GOLM2: variants seen among roughly 807,000 people sequenced by gnomAD.
GOLM2 encodes the protein golgi membrane protein 2, also known as protein GOLM2.
A neutral mutation model predicts 55.9 loss-of-function variants in GOLM2; 26 were observed. The observed-to-expected ratio is 0.47, with a 90% CI of 0.34 to 0.65. The LOEUF (loss-of-function observed/expected upper bound fraction) is 0.65. Among genes scored for constraint, GOLM2 ranks in the 30% least tolerant of loss-of-function variants. The pLI is 0.01. For synonymous variants in GOLM2, 165 were observed against 194.6 expected (o/e 0.85, Z 1.27); for missense variants, 486 against 531.8 (o/e 0.91, Z 0.85).
At chr15:44,351,070 G>A (rs552269029) in intron 6 of GOLM2, among the ~76,000 whole-genome samples, 3 of 152,196 alleles carry the variant, frequency 2.0e-5, no homozygotes, top group East Asian at 3.9e-4. Flanking sequence ...TCTAGAACAC[G>A]AAGTGGATGC....
At chr15:44,311,390 T>C (rs2078874160) in intron 1 of GOLM2, among the ~76,000 whole-genome samples, 1 of 152,300 alleles carries the variant, frequency 6.6e-6, no homozygotes, top group African/African-American at 2.4e-5. Flanking sequence ...GCACCATAAC[T>C]TTAATGTGAA....
intron 8 of GOLM2, among the ~76,000 whole-genome samples, chr15:44,399,014 C>T (rs1224235704): frequency 6.6e-6 from 1 of 152,114 alleles, no homozygotes. Context: ...CTAACTTTCT[C>T]ATATAAATCC....
chr15:44,346,676 A>G (rs1278539628), intron 6 of GOLM2, among the ~76,000 whole-genome samples: 3 of 152,230 alleles, frequency 2.0e-5, no homozygotes, highest in Admixed American at 2.0e-4. Context: ...TCTGTTGGAC[A>G]GTACTGCTCT....
chr15:44,344,303 A>G (rs1449229623), intron 6 of GOLM2, among the ~76,000 whole-genome samples: 1 of 150,172 alleles, frequency 6.7e-6, no homozygotes, highest in African/African-American at 2.4e-5. Flanking sequence ...ATATATATAT[A>G]TATATATACC....
chr15:44,347,869 C>T (rs1420580907), intron 6 of GOLM2, among the ~76,000 whole-genome samples: 1 of 152,180 alleles, frequency 6.6e-6, no homozygotes. Flanking sequence ...AATACCAGCT[C>T]AGCCACAGGC....
chr15:44,384,907 T>TAA (rs137866986), intron 8 of GOLM2, among the ~76,000 whole-genome samples: 1 of 140,876 alleles, frequency 7.1e-6, no homozygotes, highest in Non-Finnish European at 1.6e-5. Context: ...GACTGCATCT[T>TAA]AAAAAAAAAA....
At chr15:44,384,797 T>A (rs1211529717) in intron 8 of GOLM2, among the ~76,000 whole-genome samples, 2 of 151,694 alleles carry the variant, frequency 1.3e-5, no homozygotes, top group Admixed American at 1.3e-4. Context: ...TAATCCAAGC[T>A]ACTTGGGAGG....
intron 8 of GOLM2, among the ~76,000 whole-genome samples, chr15:44,401,333 T>C (rs1469988801): frequency 6.6e-6 from 1 of 152,060 alleles, no homozygotes; most frequent in East Asian, 1.9e-4. Flanking sequence ...GGCAATATCC[T>C]AACTCACTGT....
chr15:44,289,071 C>T lies in GOLM2; in HGVS notation c.42C>T (p.Pro14=), dbSNP rs1386330160. The T allele has an allele frequency of 1.2e-6, 2 of 1,614,028 alleles. No homozygotes were observed. Among genetic ancestry groups the T allele is most frequent in the East Asian group, 2.2e-5 (1 of 44,878 alleles). ...FGANRRAGRL[P]SLVLVVLLVV... The stretch of plus-strand genomic sequence containing the variant: ...CCAACCGGCGGGCTGGCCGCCTGCC[C>T]TCTCTCGTGCTGGTGGTGCTGCTGG... The change falls in exon 1 of 10, where the codon CCC becomes CCT. Residue 14 remains proline, a synonymous_variant. Transcript: ENST00000299957. This position sits in a 1 kb window ranked among gnomAD's most constrained non-coding sequence, Gnocchi z 4.8.
chr15:44,292,540 G>A (rs1200827067), intron 1 of GOLM2, among the ~76,000 whole-genome samples: 1 of 152,122 alleles, frequency 6.6e-6, no homozygotes. Context: ...TAGTTTTGTA[G>A]AGATAGGGTG....
chr15:44,331,584 T>G (rs1257641687), intron 3 of GOLM2, among the ~76,000 whole-genome samples: 1 of 152,214 alleles, frequency 6.6e-6, no homozygotes, highest in Non-Finnish European at 1.5e-5. Flanking sequence ...AATCTTCTGC[T>G]GCCACTTCTT....
At chr15:44,291,342 G>A (rs1005242602) in intron 1 of GOLM2, among the ~76,000 whole-genome samples, 7 of 152,032 alleles carry the variant, frequency 4.6e-5, no homozygotes, top group African/African-American at 1.7e-4. Flanking sequence ...GGTGTCCCCT[G>A]TTCTCAGTAA....
At position 44,414,287 on chromosome 15, in the gene GOLM2, C is replaced by T. The variant is rs1595673866; in HGVS notation, c.*881C>T. 6.6e-6 allele frequency: 1 copy of T among 152,312 alleles called. No homozygotes were observed. The highest frequency in any genetic ancestry group is 1.5e-5 in the Non-Finnish European group (1 of 68,028). The allele number at this position is 152,312 out of a possible 1,614,324, so 9.4% of individuals were successfully genotyped here. A position where few individuals can be genotyped will look rare whatever the true frequency, so the allele number is the denominator to read the frequency against. Reference sequence around the variant, plus strand: ...TGTGTAGAAAGTCACCTCCCTACTCCTTTTATTTTACATGAGTGCTGATGT... The same window carrying T: ...TGTGTAGAAAGTCACCTCCCTACTCTTTTTATTTTACATGAGTGCTGATGT... On this transcript the variant is annotated 3_prime_UTR_variant, in exon 10 of 10. Transcript: ENST00000299957.
At chr15:44,410,903 CAAAA>C (rs35934853) in intron 9 of GOLM2, among the ~76,000 whole-genome samples, 3 of 56,302 alleles carry the variant, frequency 5.3e-5, no homozygotes, top group Admixed American at 2.2e-4. Context: ...GACCCTGTAT[CAAAA>C]AAAAAAAAAA....
intron 8 of GOLM2, among the ~76,000 whole-genome samples, chr15:44,401,844 T>C (rs1215051813): frequency 2.0e-5 from 3 of 151,342 alleles, no homozygotes; most frequent in African/African-American, 7.3e-5. Flanking sequence ...TTTTTTTTTT[T>C]TTGAGATGGA....
At chr15:44,305,487 C>T (rs2078830998) in intron 1 of GOLM2, among the ~76,000 whole-genome samples, 1 of 151,888 alleles carries the variant, frequency 6.6e-6, no homozygotes, top group Admixed American at 6.6e-5. Flanking sequence ...TTAGTAGAGA[C>T]AGGGTCTCCC....
chr15:44,402,455 G>C (rs1207794998), intron 8 of GOLM2, among the ~76,000 whole-genome samples: 2 of 151,706 alleles, frequency 1.3e-5, no homozygotes, highest in Non-Finnish European at 1.5e-5. Context: ...GCCTCCCAAA[G>C]TTCTGGGATT....
intron 1 of GOLM2, among the ~76,000 whole-genome samples, chr15:44,310,702 CTCAA>C (rs918794099): frequency 2.7e-5 from 4 of 150,348 alleles, no homozygotes; most frequent in Admixed American, 6.6e-5. Context: ...AAGACCCTGT[CTCAA>C]TCAATCAATC....
intron 6 of GOLM2, among the ~76,000 whole-genome samples, chr15:44,358,412 C>A (rs900216611): frequency 6.6e-6 from 1 of 152,058 alleles, no homozygotes; most frequent in Non-Finnish European, 1.5e-5. Context: ...ATAGCCAACA[C>A]AATATTGAAG....
Sources: gnomAD v4.1 joint callset for allele counts (sites outside exome capture counted in the v4.1 genomes callset) on GRCh38, gnomAD v4.1.1 for gene constraint, Gnocchi (gnomAD v3.1) non-coding constraint, MANE v1.5 for transcripts, NCBI Gene and HGNC (gene_info 2026-07-23, HGNC 2026-07-21) for gene names.